TBC1D8: variants seen among roughly 807,000 people sequenced by gnomAD.
The protein encoded by TBC1D8 is TBC1 domain family member 8.
A neutral mutation model predicts 118.8 loss-of-function variants in TBC1D8; 65 were observed. The ratio of observed to expected loss-of-function variants is 0.55; its 90% CI spans 0.45 to 0.67. The LOEUF is 0.67. TBC1D8 is among the 30% of genes least tolerant of loss of function. The probability of loss-of-function intolerance (pLI) is 0.00; values close to 1 mark genes in which losing one functional copy is unlikely to be tolerated. For missense variants in TBC1D8, 1,376 were observed against 1,471.2 expected (o/e 0.94, Z 1.06); for synonymous variants, 566 against 595.8 (o/e 0.95, Z 0.73).
At chr2:101,085,675 G>C (rs570775133) in intron 2 of TBC1D8, among the ~76,000 whole-genome samples, 85 of 152,340 alleles carry the variant, frequency 5.6e-4, no homozygotes, top group African/African-American at 2.0e-3. Context: ...AAGAGATTCT[G>C]TGCTAGAAGA....
intron 1 of TBC1D8, among the ~76,000 whole-genome samples, chr2:101,148,434 G>GA (rs1308919638): frequency 2.0e-5 from 3 of 151,950 alleles, no homozygotes; most frequent in African/African-American, 4.8e-5. Context: ...ATTTAGCAAT[G>GA]AAAAAAATAA....
chr2:101,056,710 G>A (rs1682457763), intron 3 of TBC1D8, among the ~76,000 whole-genome samples: 1 of 152,154 alleles, frequency 6.6e-6, no homozygotes, highest in African/African-American at 2.4e-5. Flanking sequence ...GCGTGGAGGG[G>A]TCTTTATGAA....
intron 1 of TBC1D8, among the ~76,000 whole-genome samples, chr2:101,095,393 T>TC (rs34728768): frequency 0.09 from 11,571 of 127,870 alleles, 728 homozygotes; most frequent in East Asian, 0.14. Context: ...TAATGCTATC[T>TC]CCCCCCCCCT....
chr2:101,133,921 G>C (rs1202414933), intron 1 of TBC1D8, among the ~76,000 whole-genome samples: 1 of 152,138 alleles, frequency 6.6e-6, no homozygotes, highest in African/African-American at 2.4e-5. Flanking sequence ...GAGAGTGTGT[G>C]AAAGTGGAAC....
chr2:101,039,678 G>A (rs1412613575), intron 6 of TBC1D8, among the ~76,000 whole-genome samples: 1 of 152,144 alleles, frequency 6.6e-6, no homozygotes, highest in Non-Finnish European at 1.5e-5. Flanking sequence ...AGGAAGAAGG[G>A]ACCTGATCCC....
At chr2:101,067,546 T>C (rs548539321) in intron 2 of TBC1D8, among the ~76,000 whole-genome samples, 8 of 152,358 alleles carry the variant, frequency 5.3e-5, no homozygotes, top group African/African-American at 1.9e-4. Flanking sequence ...TGTTAGTCTA[T>C]TAAGTGTGCG....
At position 101,114,409 on chromosome 2, in the gene TBC1D8, ATT is replaced by A. The variant is rs554189029; in HGVS notation, c.128-24047_128-24046del. ...GGTTCCTGCTGTGCCCTCAATAAAT[ATT>A]TGTTTAATTAGCCCTTTCAGTAAAA... On this transcript the variant is annotated intron_variant, in intron 1 of 19. Transcript: ENST00000409318. Among the ~76,000 whole-genome samples the A allele has an allele frequency of 1.5e-4, 23 of 152,252 alleles. No homozygotes were observed. The East Asian group carries it at 4.2e-3, about 28-fold the overall frequency.
At chr2:101,054,522 G>A (rs1208586718) in intron 3 of TBC1D8, among the ~76,000 whole-genome samples, 186 bp from the exon 4 acceptor site, 2 of 151,626 alleles carry the variant, frequency 1.3e-5, no homozygotes, top group Non-Finnish European at 2.9e-5. Context: ...CCAGACACAC[G>A]GCTGCAGCAG....
intron 1 of TBC1D8, among the ~76,000 whole-genome samples, chr2:101,141,020 C>T (rs1679077429): frequency 6.6e-6 from 1 of 152,086 alleles, no homozygotes; most frequent in Non-Finnish European, 1.5e-5. Flanking sequence ...CCTCAGCCTC[C>T]CGAAGTGCTA....
intron 1 of TBC1D8, among the ~76,000 whole-genome samples, chr2:101,117,914 C>T (rs1677903074): frequency 6.9e-6 from 1 of 144,378 alleles, no homozygotes; most frequent in Admixed American, 7.1e-5. Context: ...AAAAGAGTGA[C>T]CTCCTTCTAA....
intron 19 of TBC1D8, among the ~76,000 whole-genome samples, chr2:101,010,451 T>G (rs1679116357): frequency 6.6e-6 from 1 of 152,192 alleles, no homozygotes; most frequent in Non-Finnish European, 1.5e-5. Flanking sequence ...GCCTCCTGTT[T>G]TGAAGCGATT....
At chr2:101,070,614 T>C (rs2105435903) in intron 2 of TBC1D8, among the ~76,000 whole-genome samples, 1 of 151,812 alleles carries the variant, frequency 6.6e-6, no homozygotes, top group South Asian at 2.1e-4. Flanking sequence ...GGTTTCACCA[T>C]GTTGGCCAGG....
chr2:101,108,697 C>G (rs528180510), intron 1 of TBC1D8, among the ~76,000 whole-genome samples: 193 of 152,204 alleles, frequency 1.3e-3, no homozygotes, highest in African/African-American at 4.2e-3. Flanking sequence ...TATAAGAACC[C>G]TTGTGATCAC....
intron 1 of TBC1D8, among the ~76,000 whole-genome samples, chr2:101,101,664 T>C (rs1296945511): frequency 1.3e-5 from 2 of 152,190 alleles, no homozygotes; most frequent in Admixed American, 1.3e-4. Flanking sequence ...CCATCAATGA[T>C]AGACTGCATA....
intron 19 of TBC1D8, among the ~76,000 whole-genome samples, 186 bp downstream of exon 19, chr2:101,010,743 G>A (rs1047954557): frequency 2.0e-5 from 3 of 151,996 alleles, no homozygotes; most frequent in South Asian, 4.2e-4. Context: ...ATAGCCAGAC[G>A]TGGTTGCACA....
At chr2:101,060,839 C>A (rs1301513520) in intron 2 of TBC1D8, among the ~76,000 whole-genome samples, 1 of 152,170 alleles carries the variant, frequency 6.6e-6, no homozygotes, top group Admixed American at 6.5e-5. Flanking sequence ...AGAGCTGAAT[C>A]ATCTAGCCAG....
chr2:101,081,386 C>A (rs1675253321), intron 2 of TBC1D8, among the ~76,000 whole-genome samples: 1 of 152,198 alleles, frequency 6.6e-6, no homozygotes, highest in African/African-American at 2.4e-5. Context: ...TCACTCAAGA[C>A]CATGGGACAG....
chr2:101,010,032 T>TG (rs1439114328), intron 19 of TBC1D8, among the ~76,000 whole-genome samples: 1 of 151,952 alleles, frequency 6.6e-6, no homozygotes, highest in Non-Finnish European at 1.5e-5. Flanking sequence ...TTCACCATGT[T>TG]AGCCAGGATG....
chr2:101,120,615 C>G (rs1464612427), intron 1 of TBC1D8, among the ~76,000 whole-genome samples: 6 of 152,200 alleles, frequency 3.9e-5, no homozygotes, highest in Admixed American at 2.0e-4. Context: ...AAGAAACTAC[C>G]TGTCAGTGTC....
Sources: allele counts gnomAD v4.1 joint callset (sites outside exome capture counted in the v4.1 genomes callset), GRCh38; gene constraint gnomAD v4.1.1; transcripts MANE v1.5; gene names NCBI Gene and HGNC (gene_info 2026-07-23, HGNC 2026-07-21).